The following DHX36 variants were observed in gnomAD, a reference collection of about 807,000 sequenced individuals.
DHX36 encodes the protein ATP-dependent DNA/RNA helicase DHX36.
A neutral mutation model predicts 139.0 loss-of-function variants in DHX36; 50 were observed. The ratio of observed to expected loss-of-function variants is 0.36; its 90% CI spans 0.29 to 0.46. The LOEUF (loss-of-function observed/expected upper bound fraction) is 0.46. Ranked by LOEUF, DHX36 falls within the 20% of genes least tolerant of loss-of-function variation. The pLI is 1.00. For synonymous variants in DHX36, 425 were observed against 401.9 expected (o/e 1.06, Z -0.69); for missense variants, 1,024 against 1,211.3 (o/e 0.85, Z 2.29).
At position 154,305,146 on chromosome 3, in the gene DHX36, A is replaced by T; in HGVS notation, c.916T>A (p.Ser306Thr). ...LQSRLPRKQG[S>T]ILYCTTGIIL... Reference sequence around the variant, plus strand: ...ATTCCTGTTGTACAGTATAAGATAGAACCCTGTTTCCTTGGCAACCGACTG... The same window carrying T: ...ATTCCTGTTGTACAGTATAAGATAGTACCCTGTTTCCTTGGCAACCGACTG... Residue 306 changes from serine to threonine, a missense_variant, in exon 7 of 25, where the codon TCT becomes ACT. By Grantham distance (58) the Ser-to-Thr change is moderately conservative (BLOSUM62 1). Transcript: ENST00000496811. The T allele has an allele frequency of 6.2e-7, 1 of 1,611,730 alleles. No homozygotes were observed. Among genetic ancestry groups the T allele is most frequent in the Middle Eastern group, 1.7e-4 (1 of 6,054 alleles).
chr3:154,297,524 A>G (rs1190281993), intron 12 of DHX36, among the ~76,000 whole-genome samples: 6 of 152,140 alleles, frequency 3.9e-5, no homozygotes, highest in Non-Finnish European at 5.9e-5. Context: ...CAACCTGGCT[A>G]AGATGGTGAA....
At chr3:154,281,877 C>A (rs1719345091) in intron 20 of DHX36, among the ~76,000 whole-genome samples, 1 of 26,278 alleles carries the variant, frequency 3.8e-5, no homozygotes, top group East Asian at 0.036. Context: ...TTAAATACTT[C>A]TAATGTATAT....
chr3:154,309,513 A>C, intron 5 of DHX36, 140 bp downstream of exon 5: 1 of 603,704 alleles, frequency 1.7e-6, no homozygotes. Context: ...CTTTATTATT[A>C]AACATGTTAA....
At chr3:154,305,938 CAG>C (rs1712484823) in intron 6 of DHX36, among the ~76,000 whole-genome samples, 1 of 152,084 alleles carries the variant, frequency 6.6e-6, no homozygotes, top group Admixed American at 6.6e-5. Flanking sequence ...ACAATCTTTT[CAG>C]AGAGAGTAAT....
intron 12 of DHX36, among the ~76,000 whole-genome samples, chr3:154,298,862 C>G (rs968755194): frequency 1.3e-5 from 2 of 152,052 alleles, no homozygotes; most frequent in Non-Finnish European, 2.9e-5. Context: ...TGCAGTGAGC[C>G]GAGATCGCAC....
chr3:154,298,491 T>C lies in DHX36; in HGVS notation c.1549+1347A>G, dbSNP rs190074528. Among the ~76,000 whole-genome samples the C allele has an allele frequency of 1.2e-3, 180 of 152,332 alleles. 1 individual carries two copies. Among genetic ancestry groups the C allele is most frequent in the African/African-American group, 3.9e-3 (164 of 41,584 alleles). ...GAGAAGTCAATTAGATCAAAATACTTTGCAAGCTAGATAGTAAATAATTTT... is the reference window on the plus strand; with the variant it reads ...GAGAAGTCAATTAGATCAAAATACTCTGCAAGCTAGATAGTAAATAATTTT... On this transcript the variant is annotated intron_variant, in intron 12 of 24. Coordinates refer to ENST00000496811, the MANE Select transcript of DHX36 (RefSeq NM_020865.3).
intron 4 of DHX36, among the ~76,000 whole-genome samples, chr3:154,310,253 T>C (rs1712678563): frequency 6.6e-6 from 1 of 152,174 alleles, no homozygotes; most frequent in Admixed American, 6.5e-5. Context: ...AGGAAGAGAA[T>C]ATTGTATTTT....
rs373333435 is a variant in DHX36, at chr3:154,324,423, G to A, written c.-7C>T. On this transcript the variant is annotated 5_prime_UTR_variant, in exon 1 of 25. Transcript: ENST00000496811. Reference sequence around the variant, plus strand: ...GATGGTAGTCATAACTCATTGTCCTGGCAGACTACAACCCGTCAGAACCAG... The same window carrying A: ...GATGGTAGTCATAACTCATTGTCCTAGCAGACTACAACCCGTCAGAACCAG... The A allele has an allele frequency of 6.7e-7, 1 of 1,500,024 alleles. No homozygotes were observed. The highest frequency in any genetic ancestry group is 2.4e-5 in the East Asian group (1 of 42,208). 92.9% of individuals were successfully genotyped at this position (1,500,024 alleles called of 1,614,324 possible). A position where few individuals can be genotyped will look rare whatever the true frequency, so the allele number is the denominator to read the frequency against.
intron 5 of DHX36, among the ~76,000 whole-genome samples, chr3:154,309,411 A>G (rs2108359294): frequency 6.6e-6 from 1 of 152,292 alleles, no homozygotes; most frequent in African/African-American, 2.4e-5. Flanking sequence ...CATTCTTGTG[A>G]ACATGTACTG....
At chr3:154,311,843 G>T in intron 3 of DHX36, 169 bp from the exon 4 acceptor site, 1 of 493,010 alleles carries the variant, frequency 2.0e-6, no homozygotes, top group Non-Finnish European at 3.5e-6. Context: ...TTCCTTTTAT[G>T]TCTGAAACAT....
At chr3:154,314,211 C>T (rs914766034) in intron 3 of DHX36, among the ~76,000 whole-genome samples, 1 of 152,192 alleles carries the variant, frequency 6.6e-6, no homozygotes. Flanking sequence ...CAACAGGCAT[C>T]AAAGAGCTAC....
At chr3:154,324,145 A>C in intron 1 of DHX36, 29 bp downstream of exon 1, 1 of 1,588,376 alleles carries the variant, frequency 6.3e-7, no homozygotes, top group Admixed American at 1.7e-5. Flanking sequence ...GTGCTGCCTC[A>C]TCCTCTCCAC....
intron 22 of DHX36, chr3:154,279,536 C>A (rs1719266623): frequency 6.6e-6 from 1 of 152,122 alleles, no homozygotes; most frequent in Non-Finnish European, 1.5e-5. Context: ...TGTGAATAAT[C>A]CAACCACAAT....
At chr3:154,304,566 T>C (rs540109373) in intron 8 of DHX36, among the ~76,000 whole-genome samples, 3 of 152,276 alleles carry the variant, frequency 2.0e-5, no homozygotes, top group African/African-American at 4.8e-5. Context: ...ACTTCAATGA[T>C]GCCATCTTAA....
chr3:154,297,240 G>C (rs111992233), intron 12 of DHX36, among the ~76,000 whole-genome samples: 2 of 152,170 alleles, frequency 1.3e-5, no homozygotes, highest in South Asian at 4.1e-4. Context: ...TTACAGACTG[G>C]ATTATCAGAT....
In DHX36 at chr3:154,286,166, C is replaced by CAAAAAA. The variant is rs60041573; in HGVS notation, c.2032-1185_2032-1180dup. 3.6e-4 allele frequency among the ~76,000 whole-genome samples: 6 copies of CAAAAAA among 16,562 alleles called. 1 individual carries two copies. The highest frequency in any genetic ancestry group is 7.9e-4 in the Admixed American group (1 of 1,262). 10.9% of individuals were successfully genotyped at this position (16,562 alleles called of 152,430 possible). A position where few individuals can be genotyped will look rare whatever the true frequency, so the allele number is the denominator to read the frequency against. On this transcript the variant is annotated intron_variant, in intron 17 of 24. Transcript: ENST00000496811. ...TAACGTAATAAGAGCTTCCACACAC[C>CAAAAAA]AAAAAAAAAAAAAAAAAAAAAAAAA...
intron 1 of DHX36, among the ~76,000 whole-genome samples, chr3:154,322,748 C>G (rs1288467851): frequency 6.6e-6 from 1 of 152,202 alleles, no homozygotes; most frequent in Non-Finnish European, 1.5e-5. Flanking sequence ...ATTTTCTCAG[C>G]TAGACTGTAA....
chr3:154,305,159 T>C lies in DHX36; in HGVS notation c.903A>G (p.Pro301=). ...GYQIRLQSRL[P]RKQGSILYCT... ...AGTATAAGATAGAACCCTGTTTCCT[T>C]GGCAACCGACTGTGAATGAAAGACA... The change falls in exon 7 of 25, where the codon CCA becomes CCG. Residue 301 remains proline (P), a synonymous_variant. Transcript: ENST00000496811. 1 of 1,612,698 alleles carries C rather than the reference T, an allele frequency of 6.2e-7. No individual in the cohort carries two copies. The highest frequency in any genetic ancestry group is 8.5e-7 in the Non-Finnish European group (1 of 1,179,620).
Position 154,316,174 on chromosome 3 carries a change from C to A in DHX36, c.244-11G>T. The A allele has an allele frequency of 6.2e-7, 1 of 1,607,934 alleles. No homozygotes were observed. Among genetic ancestry groups the A allele is most frequent in the Admixed American group, 1.7e-5 (1 of 58,526 alleles). ...GTGTACTACAGCTCTCTAGTTTGTG[C>A]AAAGAAAAAAGCATCCTTGTCAACA... On this transcript the variant is annotated splice_polypyrimidine_tract_variant and intron_variant, in intron 1 of 24. Coordinates refer to ENST00000496811, the MANE Select transcript of DHX36 (RefSeq NM_020865.3).
Sources: gnomAD v4.1 joint callset for allele counts (sites outside exome capture counted in the v4.1 genomes callset) on GRCh38, gnomAD v4.1.1 for gene constraint, MANE v1.5 for transcripts, NCBI Gene and HGNC (gene_info 2026-07-23, HGNC 2026-07-21) for gene names.